Variants in DMBX1 observed in about 807,000 individuals in gnomAD.
The protein encoded by DMBX1 is diencephalon/mesencephalon homeobox 1, also known as diencephalon/mesencephalon homeobox protein 1.
Under a neutral mutation model 30.4 loss-of-function variants are expected in DMBX1, and 7 were observed. That is an observed-to-expected ratio of 0.23 (90% confidence interval 0.13 to 0.43). The LOEUF (loss-of-function observed/expected upper bound fraction) is 0.43, where lower values mean the gene tolerates loss of function less well. Ranked by LOEUF, DMBX1 falls within the 20% of genes least tolerant of loss-of-function variation. The probability of loss-of-function intolerance (pLI) is 1.00; values close to 1 mark genes in which losing one functional copy is unlikely to be tolerated. For synonymous variants in DMBX1, 222 were observed against 214.2 expected (o/e 1.04, Z -0.32); for missense variants, 460 against 508.5 (o/e 0.90, Z 0.92).
intron 2 of DMBX1, among the ~76,000 whole-genome samples, chr1:46,500,787 CATT>C (rs1037872545): frequency 1.1e-4 from 17 of 152,178 alleles, no homozygotes; most frequent in African/African-American, 3.9e-4. Flanking sequence ...AGATACACAT[CATT>C]GTTTTAAATT....
At chr1:46,500,666 C>CT (rs1223045618) in intron 2 of DMBX1, among the ~76,000 whole-genome samples, 2 of 151,908 alleles carry the variant, frequency 1.3e-5, no homozygotes, top group Non-Finnish European at 2.9e-5. Flanking sequence ...ACCTTCCAGA[C>CT]TTTTTTCTAT....
intron 1 of DMBX1, among the ~76,000 whole-genome samples, 41 bp downstream of exon 1, chr1:46,489,918 G>A (rs1458048372): frequency 6.6e-6 from 1 of 152,128 alleles, no homozygotes; most frequent in East Asian, 1.9e-4. Flanking sequence ...CGGGAGTAGT[G>A]CGGGACAGTC....
intron 2 of DMBX1, among the ~76,000 whole-genome samples, chr1:46,504,451 G>A (rs1290508473): frequency 6.6e-6 from 1 of 150,458 alleles, no homozygotes; most frequent in Non-Finnish European, 1.5e-5. Flanking sequence ...AGTTTTCCCA[G>A]CACCATTTAT....
intron 2 of DMBX1, among the ~76,000 whole-genome samples, chr1:46,500,917 C>T (rs1050937959): frequency 6.6e-6 from 1 of 152,114 alleles, no homozygotes; most frequent in Admixed American, 6.5e-5. Context: ...GATAAATATT[C>T]GCATACACAT....
chr1:46,499,122 C>T (rs1348699648), intron 2 of DMBX1, among the ~76,000 whole-genome samples: 1 of 151,924 alleles, frequency 6.6e-6, no homozygotes, highest in Non-Finnish European at 1.5e-5. Flanking sequence ...CTGCAACCTC[C>T]GCCTCCCCGG....
chr1:46,499,920 T>C (rs1201735174), intron 2 of DMBX1, among the ~76,000 whole-genome samples: 1 of 152,214 alleles, frequency 6.6e-6, no homozygotes, highest in African/African-American at 2.4e-5. Flanking sequence ...GTTGTCATCA[T>C]TGTGATCATC....
In DMBX1 at chr1:46,512,121, C is replaced by A. The variant is rs777100537; in HGVS notation, c.761C>A (p.Ser254Tyr). Residue 254 changes from serine (S) to tyrosine (Y), a missense_variant, in exon 6 of 6, where the codon TCC (serine) becomes TAC (tyrosine). Coordinates refer to ENST00000360032, the MANE Select transcript of DMBX1 (RefSeq NM_172225.2). This position sits in a 1 kb window ranked among gnomAD's most constrained non-coding sequence, Gnocchi z 4.8. ...GGCCCCTCCCACTCCTATTCCTCGT[C>A]CCCGCTGAGCCTCTTCCGTCTGCAG... ...LLGPSHSYSSSPLSLFRLQEQ... is the reference protein window; with the variant it reads ...LLGPSHSYSSYPLSLFRLQEQ... 4.3e-6 allele frequency: 7 copies of A among 1,613,858 alleles called. No individual in the cohort carries two copies. The African/African-American group carries it at 8.0e-5, about 18-fold the overall frequency.
chr1:46,490,992 C>T (rs1569875372), intron 2 of DMBX1, among the ~76,000 whole-genome samples: 1 of 152,342 alleles, frequency 6.6e-6, no homozygotes, highest in East Asian at 1.9e-4. Context: ...CACTGGATGG[C>T]CGTAACTCAG....
chr1:46,504,847 G>A (rs1322537240), intron 2 of DMBX1, among the ~76,000 whole-genome samples: 47 of 150,210 alleles, frequency 3.1e-4, no homozygotes, highest in Admixed American at 8.6e-4. Context: ...CTACCCATGA[G>A]CATGGAATGT....
At chr1:46,503,652 A>T (rs1666178009) in intron 2 of DMBX1, among the ~76,000 whole-genome samples, 1 of 152,162 alleles carries the variant, frequency 6.6e-6, no homozygotes, top group Non-Finnish European at 1.5e-5. Flanking sequence ...TTTGCACGAA[A>T]CGTTCATGTG....
Position 46,506,963 on chromosome 1 carries a change from C to T in DMBX1, c.-12-36C>T, listed in dbSNP as rs1666246865. On this transcript the variant is annotated intron_variant, in intron 2 of 5. Coordinates refer to ENST00000360032, the MANE Select transcript of DMBX1 (RefSeq NM_172225.2). ...CTCCCTGAGGGCAGAGTCTGATAGG[C>T]CTGCCTCATGGCCCCTCTCCCTTTT... is the stretch of plus-strand genomic sequence containing the variant. 1.9e-6 allele frequency: 3 copies of T among 1,605,932 alleles called. No homozygotes were observed. The African/African-American group carries it at 4.0e-5, about 21-fold the overall frequency.
At chr1:46,504,993 GA>G (rs953910258) in intron 2 of DMBX1, among the ~76,000 whole-genome samples, 7 of 151,988 alleles carry the variant, frequency 4.6e-5, no homozygotes, top group Non-Finnish European at 5.9e-5. Context: ...AAAAACACAT[GA>G]AAAAATGCTC....
At position 46,516,054 on chromosome 1, in the gene DMBX1, GA is replaced by G. The variant is rs1304231667; in HGVS notation, c.*3567del. Among the ~76,000 whole-genome samples the G allele has an allele frequency of 1.3e-5, 2 of 152,140 alleles. No homozygotes were observed. The highest frequency in any genetic ancestry group is 2.4e-5 in the African/African-American group (1 of 41,434). On this transcript the variant is annotated 3_prime_UTR_variant, in exon 6 of 6. Transcript: ENST00000360032. ...ACTGTATTTATTTATTCTGTTAGTG[GA>G]AAAAAACAAGACTTAATTCACCCCT...
intron 2 of DMBX1, among the ~76,000 whole-genome samples, chr1:46,506,190 T>C (rs936719668): frequency 6.6e-6 from 1 of 152,228 alleles, no homozygotes; most frequent in Non-Finnish European, 1.5e-5. Context: ...CCCAAGTAGC[T>C]GGAATTACAG....
chr1:46,506,240 T>G (rs192278076), intron 2 of DMBX1, among the ~76,000 whole-genome samples: 3 of 152,310 alleles, frequency 2.0e-5, no homozygotes, highest in Non-Finnish European at 2.9e-5. Flanking sequence ...GTATTTTTAG[T>G]AGAAACGAGG....
intron 2 of DMBX1, among the ~76,000 whole-genome samples, chr1:46,494,476 G>A (rs1026896154): frequency 2.6e-5 from 4 of 152,226 alleles, no homozygotes; most frequent in Middle Eastern, 3.4e-3. Flanking sequence ...TTAATGGCTC[G>A]GACCAAGGGA....
intron 2 of DMBX1, among the ~76,000 whole-genome samples, chr1:46,503,473 T>C (rs1666175163): frequency 6.6e-6 from 1 of 152,242 alleles, no homozygotes; most frequent in African/African-American, 2.4e-5. Context: ...ATATGTGTAA[T>C]ATACAAATGG....
chr1:46,493,074 C>T lies in DMBX1; in HGVS notation c.-13+2291C>T, dbSNP rs1263410427. ...CTCAAGGAGCCAGTCTTCACCTCCC[C>T]CACCCCTGCCTTCCCATTTCGCCCC... On this transcript the variant is annotated intron_variant, in intron 2 of 5. Transcript: ENST00000360032. The surrounding 1 kb of genome is among the most constrained non-coding windows in gnomAD (Gnocchi z 4.1). Among the ~76,000 whole-genome samples, 1 of 152,188 alleles carries T rather than the reference C, an allele frequency of 6.6e-6. No individual in the cohort carries two copies. Among genetic ancestry groups the T allele is most frequent in the Non-Finnish European group, 1.5e-5 (1 of 68,030 alleles).
rs377401529 is a variant in DMBX1, at chr1:46,510,911, G to A, written c.334-24G>A. On this transcript the variant is annotated intron_variant, in intron 4 of 5. Coordinates refer to ENST00000360032, the MANE Select transcript of DMBX1 (RefSeq NM_172225.2). The surrounding 1 kb of genome is among the most constrained non-coding windows in gnomAD (Gnocchi z 4.1). Reference sequence around the variant, plus strand: ...ACCCCACTTCTTTCTTGCCCACCTCGGACTGCTCCTTTCCCGTCCCCAGGT... The same window carrying A: ...ACCCCACTTCTTTCTTGCCCACCTCAGACTGCTCCTTTCCCGTCCCCAGGT... 378 of 1,569,702 alleles carry A rather than the reference G, an allele frequency of 2.4e-4. No homozygotes were observed. The highest frequency in any genetic ancestry group is 2.8e-4 in the Non-Finnish European group (323 of 1,157,306).
Sources: allele counts gnomAD v4.1 joint callset (sites outside exome capture counted in the v4.1 genomes callset), GRCh38; gene constraint gnomAD v4.1.1; non-coding constraint Gnocchi (gnomAD v3.1); transcripts MANE v1.5; gene names NCBI Gene and HGNC (gene_info 2026-07-23, HGNC 2026-07-21).